TFB1M: variants seen among roughly 807,000 people sequenced by gnomAD.
TFB1M encodes dimethyladenosine transferase 1, mitochondrial.
In TFB1M, 27 loss-of-function variants were observed where a neutral mutation model predicts 31.1. That is an observed-to-expected ratio of 0.87 (90% CI 0.64 to 1.20). The LOEUF is 1.20. TFB1M is among the 50% of genes most tolerant of loss of function. The probability of loss-of-function intolerance (pLI) is 0.00; values close to 1 mark genes in which losing one functional copy is unlikely to be tolerated. For missense variants in TFB1M, 394 were observed against 418.7 expected, an observed-to-expected ratio of 0.94 and a Z score of 0.51; for synonymous variants, 166 against 151.8, an observed-to-expected ratio of 1.09 and a Z score of -0.69.
At chr6:155,255,580 G>T (rs1783947624), downstream of TFB1M, 1 of 151,684 alleles carries the variant, frequency 6.6e-6, no homozygotes, top group Non-Finnish European at 1.5e-5. Flanking sequence ...CCAAAACTGA[G>T]AACTCCCTTC....
chr6:155,263,441 T>A (rs1047600294), intron 5 of TFB1M, among the ~76,000 whole-genome samples: 3 of 152,156 alleles, frequency 2.0e-5, no homozygotes, highest in Non-Finnish European at 4.4e-5. Context: ...GGATTTAAAA[T>A]GAATTTAAAT....
chr6:155,256,222 T>C lies in TFB1M; in HGVS notation c.*1614A>G. 1.7e-6 allele frequency: 1 copy of C among 584,176 alleles called. No homozygotes were observed. Among genetic ancestry groups the C allele is most frequent in the South Asian group, 2.2e-5 (1 of 46,130 alleles). The allele number at this position is 584,176 out of a possible 1,614,324, so 36.2% of individuals were successfully genotyped here. A position where few individuals can be genotyped will look rare whatever the true frequency, so the allele number is the denominator to read the frequency against. On this transcript the variant is annotated 3_prime_UTR_variant, in exon 7 of 7. Coordinates refer to ENST00000367166, the MANE Select transcript of TFB1M (RefSeq NM_016020.4). ...AAGAATCTTAGCCCATGTAGTAGTT[T>C]CTAGTGTCTAGTTCTATTTACATAA...
intron 1 of TFB1M, among the ~76,000 whole-genome samples, chr6:155,313,553 G>A (rs1778110540): frequency 6.6e-6 from 1 of 152,102 alleles, no homozygotes; most frequent in Admixed American, 6.5e-5. Flanking sequence ...CTAAGCAATG[G>A]TGATGGTGGT....
intron 3 of TFB1M, among the ~76,000 whole-genome samples, 158 bp downstream of exon 3, chr6:155,298,319 A>G (rs113702624): frequency 7.0e-4 from 107 of 152,370 alleles, no homozygotes; most frequent in African/African-American, 2.5e-3. Flanking sequence ...TTTGGAAGCA[A>G]GTAGCAAGAG....
At position 155,256,293 on chromosome 6, in the gene TFB1M, T is replaced by C. The variant is rs1332175227; in HGVS notation, c.*1543A>G. The C allele has an allele frequency of 1.3e-6, 1 of 797,758 alleles. No individual in the cohort carries two copies. Among genetic ancestry groups the C allele is most frequent in the Non-Finnish European group, 1.9e-6 (1 of 513,112 alleles). 49.4% of individuals were successfully genotyped at this position (797,758 alleles called of 1,614,324 possible). ...AATGCTGAATTGCCTAACTTACAAC[T>C]GTAAACCTAAGTCAAAAATGTCCAT... On this transcript the variant is annotated 3_prime_UTR_variant, in exon 7 of 7. Coordinates refer to ENST00000367166, the MANE Select transcript of TFB1M (RefSeq NM_016020.4).
chr6:155,260,497 A>G, intron 5 of TFB1M, 97 bp from the exon 6 acceptor site: 3 of 1,501,988 alleles, frequency 2.0e-6, no homozygotes, highest in South Asian at 1.1e-5. Flanking sequence ...ATGGGCTGTC[A>G]ACAGCCTGTT....
chr6:155,263,624 G>A (rs755401352), intron 5 of TFB1M, among the ~76,000 whole-genome samples: 1 of 152,064 alleles, frequency 6.6e-6, no homozygotes, highest in African/African-American at 2.4e-5. Flanking sequence ...CAAGGGACCC[G>A]GGCTAAGGAG....
At chr6:155,261,438 G>A (rs1784388395) in intron 5 of TFB1M, among the ~76,000 whole-genome samples, 1 of 152,198 alleles carries the variant, frequency 6.6e-6, no homozygotes, top group African/African-American at 2.4e-5. Flanking sequence ...AAGAGGACTT[G>A]CTTCTAAAGA....
At chr6:155,293,929 T>C (rs1777045239) in intron 4 of TFB1M, among the ~76,000 whole-genome samples, 1 of 152,206 alleles carries the variant, frequency 6.6e-6, no homozygotes, top group African/African-American at 2.4e-5. Context: ...CCCCTTTTAA[T>C]TGGCTCCAAT....
chr6:155,253,940 T>TG, downstream of TFB1M: 2 of 1,580,270 alleles, frequency 1.3e-6, no homozygotes, highest in Non-Finnish European at 1.7e-6. Flanking sequence ...TGGGCAAAGT[T>TG]GTAGACTCTT....
Position 155,305,127 on chromosome 6 carries a change from CATA to C in TFB1M, c.285+6058_285+6060del, listed in dbSNP as rs1477556391. 1.8e-3 allele frequency among the ~76,000 whole-genome samples: 153 copies of C among 85,868 alleles called. 21 individuals carry two copies. The highest frequency in any genetic ancestry group is 8.9e-3 in the African/African-American group (137 of 15,408). The allele number at this position is 85,868 out of a possible 152,430, so 56.3% of individuals were successfully genotyped here. ...TATATATTATATATTTATATATATA[CATA>C]ATTATATATTTATATATATAAATAT... On this transcript the variant is annotated intron_variant, in intron 2 of 6. Transcript: ENST00000367166.
chr6:155,251,436 G>A (rs1403120705), downstream of TFB1M, among the ~76,000 whole-genome samples: 6 of 152,020 alleles, frequency 3.9e-5, no homozygotes, highest in Non-Finnish European at 7.4e-5. Flanking sequence ...ACAGGTGCTC[G>A]CCACCACGCC....
chr6:155,236,761 T>C, the TFB1M span, among the ~76,000 whole-genome samples: 1,216 of 152,332 alleles, frequency 8.0e-3, 21 homozygotes, highest in African/African-American at 0.027. Context: ...TCATCAGATC[T>C]TGTGAGATCT....
intron 2 of TFB1M, among the ~76,000 whole-genome samples, chr6:155,308,436 T>A (rs1329549525): frequency 6.6e-6 from 1 of 152,188 alleles, no homozygotes; most frequent in East Asian, 1.9e-4. Context: ...AACTAAGATA[T>A]TATTCAGTGC....
At chr6:155,250,079 A>T in the TFB1M span, 8 of 714,150 alleles carry the variant, frequency 1.1e-5, no homozygotes, top group African/African-American at 1.4e-4. Flanking sequence ...GAAAATGCCT[A>T]AGATTTTTCT....
intron 3 of TFB1M, 49 bp from the exon 4 acceptor site, chr6:155,297,153 T>C (rs1777214099): frequency 6.3e-7 from 1 of 1,582,184 alleles, no homozygotes; most frequent in Non-Finnish European, 8.7e-7. Context: ...CAATATATTC[T>C]GAATACAATT....
rs537695301 is a variant in TFB1M at position 155,304,865 on chromosome 6, T to C, written c.286-6280A>G. Among the ~76,000 whole-genome samples, 131 of 151,602 alleles carry C rather than the reference T, an allele frequency of 8.6e-4. 1 individual carries two copies. The highest frequency in any genetic ancestry group is 2.3e-3 in the South Asian group (11 of 4,818). On this transcript the variant is annotated intron_variant, in intron 2 of 6. Transcript: ENST00000367166. ...ATACAGGTGGCTGTTGGTGAAACAA[T>C]AGACCTATAGATAAATAGAACAGAA... is the stretch of plus-strand genomic sequence containing the variant.
chr6:155,239,633 A>G, the TFB1M span, among the ~76,000 whole-genome samples: 12 of 152,198 alleles, frequency 7.9e-5, no homozygotes, highest in African/African-American at 2.9e-4. Flanking sequence ...GCTTGTGCCA[A>G]AGGCCAGTGG....
At chr6:155,279,868 CTT>C (rs1452375983) in intron 5 of TFB1M, among the ~76,000 whole-genome samples, 1 of 152,114 alleles carries the variant, frequency 6.6e-6, no homozygotes, top group African/African-American at 2.4e-5. Context: ...AGCAAATACT[CTT>C]ATCTCTATTC....
Sources: gnomAD v4.1 joint callset for allele counts (sites outside exome capture counted in the v4.1 genomes callset) on GRCh38, gnomAD v4.1.1 for gene constraint, MANE v1.5 for transcripts, NCBI Gene and HGNC (gene_info 2026-07-23, HGNC 2026-07-21) for gene names.